The following GALNTL6 variants were observed in gnomAD, a reference collection of about 807,000 sequenced individuals.
The protein encoded by GALNTL6 is polypeptide N-acetylgalactosaminyltransferase like 6.
A neutral mutation model predicts 73.7 loss-of-function variants in GALNTL6; 46 were observed. That is an observed-to-expected ratio of 0.62 (90% CI 0.49 to 0.80). The LOEUF is 0.80. GALNTL6 is among the 30% of genes least tolerant of loss of function. The pLI is 0.00. For missense variants in GALNTL6, 604 were observed against 755.0 expected (o/e 0.80, Z 2.34); for synonymous variants, 259 against 263.7 (o/e 0.98, Z 0.17).
chr4:172,837,920 T>A (rs1052302300), intron 7 of GALNTL6, among the ~76,000 whole-genome samples: 10 of 152,360 alleles, frequency 6.6e-5, no homozygotes, highest in African/African-American at 2.4e-4. Flanking sequence ...ACACTCTTCT[T>A]GATACTGTAG....
At chr4:172,108,896 C>G (rs1419041766) in intron 2 of GALNTL6, among the ~76,000 whole-genome samples, 1 of 151,562 alleles carries the variant, frequency 6.6e-6, no homozygotes, top group Non-Finnish European at 1.5e-5. Context: ...GCCCATATTC[C>G]CAGCTGATCG....
chr4:172,951,940 T>C, intron 9 of GALNTL6, 97 bp from the exon 10 acceptor site: 1 of 994,610 alleles, frequency 1.0e-6, no homozygotes. Flanking sequence ...AGGTTGCCGC[T>C]ATCTTTTCCT....
At chr4:172,476,330 G>T (rs1407348629) in intron 5 of GALNTL6, among the ~76,000 whole-genome samples, 1 of 152,122 alleles carries the variant, frequency 6.6e-6, no homozygotes, top group African/African-American at 2.4e-5. Context: ...CATTCATGTG[G>T]TGTTCACCCT....
intron 5 of GALNTL6, among the ~76,000 whole-genome samples, chr4:172,371,361 T>C (rs1369386509): frequency 6.6e-6 from 1 of 152,252 alleles, no homozygotes. Context: ...TGGGTTGTCA[T>C]TGGCCTCAGT....
intron 2 of GALNTL6, among the ~76,000 whole-genome samples, chr4:171,966,229 A>C (rs765288668): frequency 1.3e-5 from 2 of 152,182 alleles, no homozygotes. Context: ...CAGCATATAC[A>C]TTCTGAATTT....
chr4:172,300,718 A>G (rs1578928892), intron 3 of GALNTL6, among the ~76,000 whole-genome samples: 1 of 152,088 alleles, frequency 6.6e-6, no homozygotes. Flanking sequence ...TCTGGCTTGT[A>G]GAGTTTCTGC....
At chr4:172,089,387 G>A (rs1732134430) in intron 2 of GALNTL6, among the ~76,000 whole-genome samples, 1 of 152,200 alleles carries the variant, frequency 6.6e-6, no homozygotes, top group South Asian at 2.1e-4. Flanking sequence ...TAGCACAGAA[G>A]TGGTCCATGC....
At chr4:171,886,760 G>A (rs1403024709) in intron 2 of GALNTL6, among the ~76,000 whole-genome samples, 4 of 152,140 alleles carry the variant, frequency 2.6e-5, no homozygotes, top group African/African-American at 4.8e-5. Flanking sequence ...TTAAAGTTGA[G>A]ATGTGGATAC....
intron 3 of GALNTL6, among the ~76,000 whole-genome samples, chr4:172,241,916 A>G (rs1385238886): frequency 6.6e-6 from 1 of 152,208 alleles, no homozygotes; most frequent in East Asian, 1.9e-4. Context: ...CACAAAATAG[A>G]TTAGCATTTT....
At chr4:172,351,757 G>A (rs1395599368) in intron 5 of GALNTL6, among the ~76,000 whole-genome samples, 1 of 152,074 alleles carries the variant, frequency 6.6e-6, no homozygotes, top group African/African-American at 2.4e-5. Flanking sequence ...AATTCTGTTG[G>A]ATTCCTTTAG....
At chr4:172,422,004 G>A (rs551119266) in intron 5 of GALNTL6, among the ~76,000 whole-genome samples, 2 of 152,164 alleles carry the variant, frequency 1.3e-5, no homozygotes, top group African/African-American at 4.8e-5. Flanking sequence ...TTCCATTGCT[G>A]TCTACTTGTC....
chr4:172,542,957 C>T (rs543384314), intron 5 of GALNTL6, among the ~76,000 whole-genome samples: 17 of 151,922 alleles, frequency 1.1e-4, no homozygotes, highest in African/African-American at 4.1e-4. Context: ...ATTAGCCGGG[C>T]GTGGTGGCAC....
At position 172,469,416 on chromosome 4, in the gene GALNTL6, G is replaced by A. The variant is rs192642738; in HGVS notation, c.553+120727G>A. ...AGGTCAGGAGGTGTAGACCAGCCTG[G>A]GCAACATAGTGAGACCTCATCTCTA... On this transcript the variant is annotated intron_variant, in intron 5 of 12. Transcript: ENST00000506823. Among the ~76,000 whole-genome samples the A allele has an allele frequency of 7.7e-4, 116 of 151,592 alleles. 2 individuals carry two copies. The South Asian group carries it at 0.016, about 21-fold the overall frequency.
intron 5 of GALNTL6, among the ~76,000 whole-genome samples, chr4:172,786,587 C>G (rs1055856292): frequency 6.6e-6 from 1 of 152,076 alleles, no homozygotes; most frequent in Admixed American, 6.6e-5. Context: ...TAGGCATGCC[C>G]AAGTTTTCAC....
At chr4:172,987,404 A>G (rs918163076) in intron 10 of GALNTL6, among the ~76,000 whole-genome samples, 1 of 152,148 alleles carries the variant, frequency 6.6e-6, no homozygotes, top group East Asian at 1.9e-4. Context: ...TGTGAGGGTA[A>G]CCACCCCCAT....
intron 5 of GALNTL6, among the ~76,000 whole-genome samples, chr4:172,610,456 T>C (rs979501408): frequency 6.6e-6 from 1 of 152,086 alleles, no homozygotes; most frequent in African/African-American, 2.4e-5. Context: ...TACCCAAAAG[T>C]CATTAGGAGC....
chr4:172,955,995 A>C (rs982243968), intron 10 of GALNTL6, among the ~76,000 whole-genome samples: 2 of 152,120 alleles, frequency 1.3e-5, no homozygotes, highest in Non-Finnish European at 2.9e-5. Context: ...GGCAGGAACC[A>C]GCCATCTGGA....
At chr4:172,366,864 G>T (rs1264601084) in intron 5 of GALNTL6, among the ~76,000 whole-genome samples, 2 of 152,198 alleles carry the variant, frequency 1.3e-5, no homozygotes, top group Non-Finnish European at 2.9e-5. Context: ...TTCAGAAGTT[G>T]CTGGGAGGAT....
chr4:173,009,940 TAACA>T, intron 11 of GALNTL6, among the ~76,000 whole-genome samples: 1 of 152,348 alleles, frequency 6.6e-6, no homozygotes, highest in African/African-American at 2.4e-5. Flanking sequence ...ATGCAATGCA[TAACA>T]ATCACATCAT....
Sources: allele counts gnomAD v4.1 joint callset (sites outside exome capture counted in the v4.1 genomes callset), GRCh38; gene constraint gnomAD v4.1.1; transcripts MANE v1.5; gene names NCBI Gene and HGNC (gene_info 2026-07-23, HGNC 2026-07-21).